The following NETO1 variants were observed in gnomAD, a reference collection of about 807,000 sequenced individuals.
NETO1 encodes neuropilin and tolloid-like protein 1.
A neutral mutation model predicts 61.3 loss-of-function variants in NETO1; 26 were observed. The ratio of observed to expected loss-of-function variants is 0.42; its 90% CI spans 0.31 to 0.59. The LOEUF is 0.59. NETO1 is among the 20% of genes least tolerant of loss of function. The pLI, the probability that NETO1 is intolerant of heterozygous loss-of-function variation, is 0.12. For synonymous variants in NETO1, 225 were observed against 225.8 expected, an observed-to-expected ratio of 1.00 and a Z score of 0.03; for missense variants, 531 against 662.8, an observed-to-expected ratio of 0.80 and a Z score of 2.18.
intron 6 of NETO1, among the ~76,000 whole-genome samples, chr18:72,793,439 A>G (rs2072202341): frequency 6.6e-6 from 1 of 152,208 alleles, no homozygotes; most frequent in African/African-American, 2.4e-5. Flanking sequence ...CTAGCCCACA[A>G]TAGTTTAATA....
chr18:72,804,264 G>A (rs1030277660), intron 4 of NETO1, among the ~76,000 whole-genome samples: 4 of 152,092 alleles, frequency 2.6e-5, no homozygotes, highest in African/African-American at 9.7e-5. Flanking sequence ...GCTGCAGAAC[G>A]TCTGCCCCGA....
chr18:72,860,746 C>CT (rs5826214), intron 3 of NETO1, among the ~76,000 whole-genome samples: 43,051 of 148,028 alleles, frequency 0.29, 6,411 homozygotes, highest in Middle Eastern at 0.38. Context: ...TTTTTCTTTT[C>CT]TTTTTTTTGG....
intron 6 of NETO1, 50 bp from the exon 7 acceptor site, chr18:72,783,956 A>T (rs763666934): frequency 7.8e-7 from 1 of 1,279,354 alleles, no homozygotes. Flanking sequence ...ATGAATGTAC[A>T]TCAGTATCAG....
chr18:72,855,078 A>G (rs1193647846), intron 4 of NETO1, among the ~76,000 whole-genome samples: 1 of 152,212 alleles, frequency 6.6e-6, no homozygotes, highest in African/African-American at 2.4e-5. Context: ...CACTTTTGAT[A>G]TGTCTTCTAT....
Position 72,859,021 on chromosome 18 carries a change from G to C in NETO1, c.274C>G (p.Pro92Ala). 1.9e-6 allele frequency: 3 copies of C among 1,613,536 alleles called. No individual in the cohort carries two copies. Among genetic ancestry groups the C allele is most frequent in the Non-Finnish European group, 2.5e-6 (3 of 1,179,730 alleles). Residue 92 changes from proline to alanine, a missense_variant, in exon 4 of 11, where the codon CCG becomes GCG. By Grantham distance (27) the Pro-to-Ala change is conservative (BLOSUM62 -1). Coordinates refer to ENST00000327305, the MANE Select transcript of NETO1 (RefSeq NM_138966.5). ...TGATCAAATTTGCACTCCCAAGACG[G>C]TTCAATAGAGTACTTTTCATCAAAG... ...LYFDEKYSIE[P>A]SWECKFDHIE...
intron 4 of NETO1, among the ~76,000 whole-genome samples, chr18:72,828,060 C>T (rs2073442616): frequency 6.6e-6 from 1 of 152,178 alleles, no homozygotes; most frequent in African/African-American, 2.4e-5. Context: ...CGCCTGTAAT[C>T]CCAACACTTT....
At chr18:72,796,518 G>T (rs1423720247) in intron 4 of NETO1, among the ~76,000 whole-genome samples, 1 of 152,138 alleles carries the variant, frequency 6.6e-6, no homozygotes, top group Non-Finnish European at 1.5e-5. Flanking sequence ...GTCTGGCTCT[G>T]TCGCCCAGGC....
downstream of NETO1, chr18:72,742,477 T>C (rs2070359124): frequency 6.6e-6 from 1 of 152,158 alleles, no homozygotes; most frequent in African/African-American, 2.4e-5. Context: ...TTATAGGATA[T>C]AAAAAATATC....
intron 4 of NETO1, among the ~76,000 whole-genome samples, chr18:72,843,298 T>G (rs902695808): frequency 1.3e-5 from 2 of 152,088 alleles, no homozygotes; most frequent in African/African-American, 4.8e-5. Context: ...AAACAACAGA[T>G]AGAGGAGTAA....
chr18:72,855,704 GA>G (rs1300493882), intron 4 of NETO1, among the ~76,000 whole-genome samples: 1 of 151,868 alleles, frequency 6.6e-6, no homozygotes, highest in Non-Finnish European at 1.5e-5. Flanking sequence ...CAAAGAAATA[GA>G]AAAAAAATTC....
At chr18:72,863,636 G>A (rs2074647116) in intron 3 of NETO1, among the ~76,000 whole-genome samples, 1 of 151,984 alleles carries the variant, frequency 6.6e-6, no homozygotes, top group Non-Finnish European at 1.5e-5. Context: ...GGTGGGGGAA[G>A]ATCTTTGGCC....
chr18:72,834,028 A>T (rs2073663613), intron 4 of NETO1: 1 of 713,024 alleles, frequency 1.4e-6, no homozygotes, highest in African/African-American at 1.9e-5. Context: ...CAAGAGACAG[A>T]TATATTTTCA....
intron 7 of NETO1, among the ~76,000 whole-genome samples, chr18:72,761,759 C>T (rs974557703): frequency 7.2e-5 from 11 of 152,048 alleles, no homozygotes; most frequent in African/African-American, 2.7e-4. Flanking sequence ...TCTATGGGTA[C>T]CTTAACTCTA....
chr18:72,821,050 G>C (rs539580592), intron 4 of NETO1, among the ~76,000 whole-genome samples: 10 of 152,034 alleles, frequency 6.6e-5, no homozygotes, highest in African/African-American at 2.2e-4. Context: ...AGGCACAAAG[G>C]CCTTCATGAT....
intron 7 of NETO1, among the ~76,000 whole-genome samples, chr18:72,765,113 C>T (rs1025509057): frequency 6.6e-6 from 1 of 152,180 alleles, no homozygotes; most frequent in Admixed American, 6.5e-5. Context: ...TTCCAAACTC[C>T]TTGTACCCCT....
intron 4 of NETO1, among the ~76,000 whole-genome samples, chr18:72,832,097 T>C (rs2073600848): frequency 1.3e-5 from 2 of 152,200 alleles, no homozygotes; most frequent in South Asian, 4.1e-4. Context: ...ATTTGTTAAC[T>C]CTAGTGCTTA....
At chr18:72,823,774 C>T (rs933759336) in intron 4 of NETO1, among the ~76,000 whole-genome samples, 7 of 152,140 alleles carry the variant, frequency 4.6e-5, no homozygotes, top group African/African-American at 1.7e-4. Context: ...TTGTGTCCAT[C>T]GAGCTTCACT....
intron 7 of NETO1, among the ~76,000 whole-genome samples, chr18:72,775,932 T>C (rs1298285855): frequency 1.3e-5 from 2 of 152,100 alleles, no homozygotes; most frequent in African/African-American, 4.8e-5. Flanking sequence ...CCTAAAAATA[T>C]CCTATGGTCC....
In NETO1 at chr18:72,860,335, G is replaced by C. The variant is rs574897664; in HGVS notation, c.221-1261C>G. ...CTACGGTCAGCAACTATGCAGAATG[G>C]TGGCTGTCCACACCCCATTGCTTCT... is the stretch of plus-strand genomic sequence containing the variant. On this transcript the variant is annotated intron_variant, in intron 3 of 10. Coordinates refer to ENST00000327305, the MANE Select transcript of NETO1 (RefSeq NM_138966.5). Among the ~76,000 whole-genome samples the C allele has an allele frequency of 1.6e-3, 239 of 152,278 alleles. 1 individual carries two copies. The highest frequency in any genetic ancestry group is 5.6e-3 in the African/African-American group (232 of 41,560).
Sources: allele counts gnomAD v4.1 joint callset (sites outside exome capture counted in the v4.1 genomes callset), GRCh38; gene constraint gnomAD v4.1.1; transcripts MANE v1.5; gene names NCBI Gene and HGNC (gene_info 2026-07-23, HGNC 2026-07-21).